Variants in CDC42BPA observed in about 807,000 individuals in gnomAD.
The protein encoded by CDC42BPA is serine/threonine-protein kinase MRCK alpha.
In CDC42BPA, 80 loss-of-function variants were observed where a neutral mutation model predicts 223.5. The ratio of observed to expected loss-of-function variants is 0.36; its 90% CI spans 0.30 to 0.43. The LOEUF is 0.43. CDC42BPA is among the 20% of genes least tolerant of loss of function. The pLI is 1.00. For synonymous variants in CDC42BPA, 694 were observed against 718.6 expected (o/e 0.97, Z 0.55); for missense variants, 1,743 against 2,099.9 (o/e 0.83, Z 3.32).
intron 5 of CDC42BPA, among the ~76,000 whole-genome samples, chr1:227,179,662 C>CAAAAAAAAAAA (rs1667605977): frequency 1.7e-4 from 8 of 45,928 alleles, no homozygotes; most frequent in Admixed American, 3.6e-4. Context: ...AAAAAAAAAG[C>CAAAAAAAAAAA]TATTTTAAAA....
chr1:227,005,024 A>C lies in CDC42BPA; in HGVS notation c.4945T>G (p.Ser1649Ala). 1 of 1,614,050 alleles carries C rather than the reference A, an allele frequency of 6.2e-7. No homozygotes were observed. Among genetic ancestry groups the C allele is most frequent in the Non-Finnish European group, 8.5e-7 (1 of 1,179,916 alleles). The change falls in exon 35 of 37, where the codon TCC (serine) becomes GCC (alanine). Residue 1649 changes from serine (S) to alanine (A), a missense_variant. Ser to Ala is a moderately conservative substitution (Grantham distance 99, BLOSUM62 1). This residue lies in a region of CDC42BPA where 200 missense variants were observed against 192.8 expected (regional missense o/e 1.04). Transcript: ENST00000366766. ...ITKSRPEPGR[S>A]MSASSGLSAR... ...GACAAGCCACTGCTAGCACTCATGGAGCGGCCTGGCTCAGGGCGGGATTTG... is the reference window on the plus strand; with the variant it reads ...GACAAGCCACTGCTAGCACTCATGGCGCGGCCTGGCTCAGGGCGGGATTTG...
At chr1:227,077,544 ATCC>A (rs1454826636) in intron 17 of CDC42BPA, among the ~76,000 whole-genome samples, 1 of 151,938 alleles carries the variant, frequency 6.6e-6, no homozygotes, top group Non-Finnish European at 1.5e-5. Context: ...AGCCCTTACC[ATCC>A]TCCTTCTTTC....
chr1:227,097,721 TC>T (rs1249041214), intron 15 of CDC42BPA, among the ~76,000 whole-genome samples: 2 of 152,142 alleles, frequency 1.3e-5, no homozygotes, highest in East Asian at 3.8e-4. Flanking sequence ...ATGACCTTCT[TC>T]TAGGAGCACT....
intron 2 of CDC42BPA, among the ~76,000 whole-genome samples, chr1:227,244,882 A>G (rs1003886509): frequency 1.6e-4 from 24 of 152,232 alleles, no homozygotes; most frequent in Non-Finnish European, 3.1e-4. Context: ...AGGGAGGGAA[A>G]GCGCAGAGAC....
At chr1:227,023,134 G>C in intron 32 of CDC42BPA, 129 bp downstream of exon 32, 1 of 540,714 alleles carries the variant, frequency 1.8e-6, no homozygotes, top group South Asian at 2.3e-5. Context: ...CAACATCATA[G>C]ACTTGGAGTA....
At chr1:227,167,313 GTT>G (rs1014699564) in intron 5 of CDC42BPA, among the ~76,000 whole-genome samples, 1 of 151,238 alleles carries the variant, frequency 6.6e-6, no homozygotes, top group African/African-American at 2.4e-5. Context: ...TTGTCCAAAA[GTT>G]TTTTTTTGGC....
chr1:227,106,681 T>G (rs115606340), intron 14 of CDC42BPA, among the ~76,000 whole-genome samples: 2,846 of 152,238 alleles, frequency 0.019, 86 homozygotes, highest in African/African-American at 0.064. Flanking sequence ...CAAGGTCTCT[T>G]GAGTTTTATA....
chr1:227,220,373 A>C (rs1371962272), intron 2 of CDC42BPA, among the ~76,000 whole-genome samples: 1 of 148,218 alleles, frequency 6.7e-6, no homozygotes, highest in East Asian at 1.9e-4. Context: ...ATAAGGAAAT[A>C]TATATTATGT....
chr1:227,080,742 G>T, intron 17 of CDC42BPA, 151 bp downstream of exon 17: 1 of 821,466 alleles, frequency 1.2e-6, no homozygotes, highest in Non-Finnish European at 2.0e-6. Flanking sequence ...GAACACAACA[G>T]ATCAGTAATA....
chr1:227,026,901 T>C (rs1558313832), intron 30 of CDC42BPA, among the ~76,000 whole-genome samples: 2 of 152,142 alleles, frequency 1.3e-5, no homozygotes, highest in South Asian at 2.1e-4. Context: ...GTGATCCTCC[T>C]ACCTCAGCCT....
rs375773758 is a variant in CDC42BPA, at chr1:227,298,540, G to A, written c.178+18465C>T. On this transcript the variant is annotated intron_variant, in intron 1 of 36. Coordinates refer to ENST00000366766, the MANE Select transcript of CDC42BPA (RefSeq NM_001394014.1). ...TCCCTTACCCTAAACCTTGCCCTACGCATCACTTCCATTTGGCTGTCCCAG... is the reference window on the plus strand; with the variant it reads ...TCCCTTACCCTAAACCTTGCCCTACACATCACTTCCATTTGGCTGTCCCAG... 7.2e-5 allele frequency among the ~76,000 whole-genome samples: 11 copies of A among 152,166 alleles called. No homozygotes were observed. The East Asian group carries it at 1.3e-3, about 19-fold the overall frequency.
At chr1:227,085,302 C>A (rs1229827152) in intron 16 of CDC42BPA, among the ~76,000 whole-genome samples, 2 of 152,200 alleles carry the variant, frequency 1.3e-5, no homozygotes, top group Non-Finnish European at 2.9e-5. Flanking sequence ...CAGTAAAGAA[C>A]CAGATGCAAG....
At chr1:227,082,376 T>C (rs898695510) in intron 16 of CDC42BPA, among the ~76,000 whole-genome samples, 1 of 151,942 alleles carries the variant, frequency 6.6e-6, no homozygotes, top group Non-Finnish European at 1.5e-5. Context: ...ATTTTATTTA[T>C]AGGTTCCCCT....
At position 227,028,817 on chromosome 1, in the gene CDC42BPA, T is replaced by C. The variant is rs370253635; in HGVS notation, c.4272A>G (p.Leu1424=). Reference sequence around the variant, plus strand: ...CCATTGGTTGATGTGCAATAAATGATAGTGTATGGTCATTTGAATGGAGCA... The same window carrying C: ...CCATTGGTTGATGTGCAATAAATGACAGTGTATGGTCATTTGAATGGAGCA... ...YSMLHSNDHT[L]SFIAHQPMDA... The change falls in exon 30 of 37, where the codon CTA becomes CTG. Residue 1424 remains leucine (L), a synonymous_variant. Coordinates refer to ENST00000366766, the MANE Select transcript of CDC42BPA (RefSeq NM_001394014.1). 5 of 1,614,104 alleles carry C rather than the reference T, an allele frequency of 3.1e-6. No individual in the cohort carries two copies. The highest frequency in any genetic ancestry group is 4.5e-5 in the East Asian group (2 of 44,880).
At chr1:227,053,264 C>A (rs1478622455) in intron 21 of CDC42BPA, among the ~76,000 whole-genome samples, 1 of 152,172 alleles carries the variant, frequency 6.6e-6, no homozygotes, top group Non-Finnish European at 1.5e-5. Flanking sequence ...GAAGAATAGG[C>A]TAGCAGGCTG....
intron 6 of CDC42BPA, among the ~76,000 whole-genome samples, chr1:227,157,972 T>C (rs1210666014): frequency 6.6e-6 from 1 of 151,560 alleles, no homozygotes; most frequent in East Asian, 1.9e-4. Flanking sequence ...TTTTTTTCTT[T>C]TTTGAGACGC....
chr1:227,216,831 A>T (rs6678714), intron 2 of CDC42BPA, among the ~76,000 whole-genome samples: 17,682 of 152,196 alleles, frequency 0.12, 1,250 homozygotes, highest in South Asian at 0.21. Context: ...ATATTTTTAA[A>T]AACACTAGCA....
At chr1:227,123,542 G>A (rs1236307565) in intron 11 of CDC42BPA, among the ~76,000 whole-genome samples, 1 of 152,112 alleles carries the variant, frequency 6.6e-6, no homozygotes, top group African/African-American at 2.4e-5. Context: ...AAATAATAAA[G>A]TAGAAAATCA....
chr1:227,019,869 T>C, intron 32 of CDC42BPA, among the ~76,000 whole-genome samples: 1 of 152,154 alleles, frequency 6.6e-6, no homozygotes. Context: ...GTTCTGCTTA[T>C]AAAATACAGG....
Sources: allele counts gnomAD v4.1 joint callset (sites outside exome capture counted in the v4.1 genomes callset), GRCh38; gene constraint gnomAD v4.1.1; regional missense constraint gnomAD v4.1.1; transcripts MANE v1.5; gene names NCBI Gene and HGNC (gene_info 2026-07-23, HGNC 2026-07-21).